Variants in SUPT3H observed in about 807,000 individuals in gnomAD.
The protein encoded by SUPT3H is SPT3 homolog, SAGA and STAGA complex component.
A neutral mutation model predicts 44.3 loss-of-function variants in SUPT3H; 44 were observed. The observed-to-expected ratio is 0.99, with a 90% CI of 0.78 to 1.28. The LOEUF (loss-of-function observed/expected upper bound fraction) is 1.28, where lower values mean the gene tolerates loss of function less well. Ranked by LOEUF, SUPT3H falls within the 50% of genes most tolerant of loss-of-function variation. The probability of loss-of-function intolerance (pLI) is 0.00; values close to 1 mark genes in which losing one functional copy is unlikely to be tolerated. For synonymous variants in SUPT3H, 124 were observed against 125.6 expected, an observed-to-expected ratio of 0.99 and a Z score of 0.09; for missense variants, 380 against 387.1, an observed-to-expected ratio of 0.98 and a Z score of 0.15.
At chr6:45,287,278 T>C (rs1779477115) in intron 2 of SUPT3H, among the ~76,000 whole-genome samples, 2 of 151,680 alleles carry the variant, frequency 1.3e-5, no homozygotes, top group Non-Finnish European at 2.9e-5. Context: ...TATAAAAAAT[T>C]ATAACATGAG....
intron 5 of SUPT3H, among the ~76,000 whole-genome samples, chr6:45,009,571 T>C (rs1783184056): frequency 6.7e-6 from 1 of 149,066 alleles, no homozygotes; most frequent in Non-Finnish European, 1.5e-5. Context: ...AAAATGGCTA[T>C]TTTTTCCCTA....
chr6:45,310,885 T>TA (rs777611335), intron 2 of SUPT3H, among the ~76,000 whole-genome samples: 1 of 152,046 alleles, frequency 6.6e-6, no homozygotes, highest in Non-Finnish European at 1.5e-5. Flanking sequence ...AACACCCCCA[T>TA]AAAATCACAC....
At chr6:45,218,996 C>T (rs1765548895) in intron 2 of SUPT3H, among the ~76,000 whole-genome samples, 1 of 152,110 alleles carries the variant, frequency 6.6e-6, no homozygotes, top group Non-Finnish European at 1.5e-5. Context: ...TCTAAGCACA[C>T]TTCTAAATAA....
downstream of SUPT3H, among the ~76,000 whole-genome samples, chr6:44,823,449 A>G (rs1767503165): frequency 6.6e-6 from 1 of 152,148 alleles, no homozygotes; most frequent in Admixed American, 6.6e-5. Flanking sequence ...CCTTCTACAC[A>G]TTGCCATGGA....
chr6:45,101,650 A>G (rs1798592522), intron 3 of SUPT3H, among the ~76,000 whole-genome samples: 1 of 152,216 alleles, frequency 6.6e-6, no homozygotes, highest in African/African-American at 2.4e-5. Flanking sequence ...GATTTTGAAT[A>G]TTCCCAACAC....
At chr6:45,320,386 C>T (rs1205988342) in intron 2 of SUPT3H, among the ~76,000 whole-genome samples, 1 of 151,992 alleles carries the variant, frequency 6.6e-6, no homozygotes, top group African/African-American at 2.4e-5. Context: ...ACCTCAGCCT[C>T]CCTAATAGCT....
At chr6:44,819,118 T>C (rs1767105939) in intron 11 of SUPT3H, among the ~76,000 whole-genome samples, 2 of 152,270 alleles carry the variant, frequency 1.3e-5, no homozygotes, top group Non-Finnish European at 2.9e-5. Flanking sequence ...TGCATCCATA[T>C]GATGGAATAT....
At chr6:44,984,576 T>A (rs1471023156) in intron 6 of SUPT3H, among the ~76,000 whole-genome samples, 1 of 152,106 alleles carries the variant, frequency 6.6e-6, no homozygotes, top group Non-Finnish European at 1.5e-5. Flanking sequence ...ATCTTTGCGA[T>A]CCCCAGTCTC....
At chr6:44,895,163 T>G (rs2153444691) in intron 10 of SUPT3H, among the ~76,000 whole-genome samples, 1 of 152,234 alleles carries the variant, frequency 6.6e-6, no homozygotes, top group Non-Finnish European at 1.5e-5. Context: ...ATTTTTCTTT[T>G]TCATATTAAA....
intron 2 of SUPT3H, among the ~76,000 whole-genome samples, chr6:45,353,412 T>C (rs1312385554): frequency 6.6e-6 from 1 of 151,960 alleles, no homozygotes. Context: ...TAAGAAGCTA[T>C]AATAACTAAA....
chr6:45,094,848 A>C (rs982011995), intron 3 of SUPT3H, among the ~76,000 whole-genome samples: 1 of 152,100 alleles, frequency 6.6e-6, no homozygotes, highest in African/African-American at 2.4e-5. Context: ...ATAATACTTC[A>C]TTTTTACTTA....
chr6:44,993,342 A>G (rs1245532807), intron 6 of SUPT3H, among the ~76,000 whole-genome samples: 2 of 152,130 alleles, frequency 1.3e-5, no homozygotes, highest in Non-Finnish European at 2.9e-5. Context: ...CAAATTGGAT[A>G]TAGTAAGCTA....
At chr6:45,289,288 A>G (rs564421320) in intron 2 of SUPT3H, among the ~76,000 whole-genome samples, 1 of 152,268 alleles carries the variant, frequency 6.6e-6, no homozygotes, top group South Asian at 2.1e-4. Context: ...TTATAAATAA[A>G]AAAGAACCGT....
At chr6:45,162,725 C>A (rs2153601935) in intron 2 of SUPT3H, among the ~76,000 whole-genome samples, 1 of 152,176 alleles carries the variant, frequency 6.6e-6, no homozygotes, top group East Asian at 1.9e-4. Context: ...GACTTCAAGT[C>A]CCTTAAAATG....
intron 2 of SUPT3H, among the ~76,000 whole-genome samples, chr6:45,294,362 CA>C (rs1292528467): frequency 1.3e-5 from 2 of 152,162 alleles, no homozygotes; most frequent in African/African-American, 4.8e-5. Flanking sequence ...GACAAACCCA[CA>C]GCCAACATAA....
intron 1 of SUPT3H, among the ~76,000 whole-genome samples, chr6:45,367,797 C>T (rs1269403177): frequency 1.3e-5 from 2 of 152,138 alleles, no homozygotes; most frequent in Non-Finnish European, 2.9e-5. Context: ...AATCCAGTCA[C>T]CAAACCTAGT....
At chr6:45,159,814 A>C (rs1808637292) in intron 2 of SUPT3H, among the ~76,000 whole-genome samples, 1 of 152,166 alleles carries the variant, frequency 6.6e-6, no homozygotes, top group Non-Finnish European at 1.5e-5. Flanking sequence ...AATATTAATA[A>C]ATTACAGTTC....
chr6:44,870,671 C>A (rs889511675), intron 10 of SUPT3H, among the ~76,000 whole-genome samples: 1 of 151,562 alleles, frequency 6.6e-6, no homozygotes, highest in Non-Finnish European at 1.5e-5. Context: ...GGAACAGCTC[C>A]AGTCTACAGC....
At chr6:44,983,843 T>TC (rs1779422925) in intron 6 of SUPT3H, among the ~76,000 whole-genome samples, 1 of 152,214 alleles carries the variant, frequency 6.6e-6, no homozygotes, top group African/African-American at 2.4e-5. Context: ...TCTCTGTCAT[T>TC]CTGTGAACTT....
Sources: gnomAD v4.1 joint callset for allele counts (sites outside exome capture counted in the v4.1 genomes callset) on GRCh38, gnomAD v4.1.1 for gene constraint, MANE v1.5 for transcripts, NCBI Gene and HGNC (gene_info 2026-07-23, HGNC 2026-07-21) for gene names.